The following PRKX variants were observed in gnomAD, a reference collection of about 807,000 sequenced individuals.
The protein encoded by PRKX is protein kinase cAMP-dependent X-linked catalytic subunit.
PRKX carries 12 observed loss-of-function variants against 22.0 expected under a neutral mutation model. The observed-to-expected ratio is 0.54, with a 90% CI of 0.35 to 0.88. PRKX has a LOEUF of 0.88. PRKX is among the 40% of genes least tolerant of loss of function. The pLI is 0.01. For missense variants in PRKX, 217 were observed against 308.0 expected (o/e 0.70, Z 2.21); for synonymous variants, 134 against 137.7 (o/e 0.97, Z 0.19).
chrX:3,666,085 A>G (rs1331236161), intron 2 of PRKX, among the ~76,000 whole-genome samples: 3 of 107,470 alleles, frequency 2.8e-5, no homozygotes, highest in African/African-American at 1.0e-4. Flanking sequence ...ATCTCAGCTC[A>G]CTGCAATCTC....
chrX:3,660,033 C>T (rs1205084266), intron 2 of PRKX, among the ~76,000 whole-genome samples: 2 of 111,518 alleles, frequency 1.8e-5, no homozygotes, highest in African/African-American at 6.5e-5. Context: ...TGCTTTGCAC[C>T]GTTATTGGTT....
chrX:3,692,255 C>T (rs1380585181), intron 1 of PRKX, among the ~76,000 whole-genome samples: 1 of 110,046 alleles, frequency 9.1e-6, no homozygotes, highest in Admixed American at 9.8e-5. Flanking sequence ...CACTGCAAAC[C>T]TGCAGAGTGG....
intron 1 of PRKX, among the ~76,000 whole-genome samples, chrX:3,700,749 T>TTTGTTG (rs3073363): frequency 0.068 from 7,168 of 105,380 alleles, 665 homozygotes; most frequent in African/African-American, 0.24. Context: ...CAGCTAATTG[T>TTTGTTG]TTGTTGTTGT....
chrX:3,650,685 C>T lies in PRKX; in HGVS notation c.599+4464G>A, dbSNP rs192687486. ...CTTGAGGCCAGCTGTTCAAGACCAG[C>T]CTAGGCAACATGGTGAAACCAGGTC... On this transcript the variant is annotated intron_variant, in intron 3 of 8. Coordinates refer to ENST00000262848, the MANE Select transcript of PRKX (RefSeq NM_005044.5). Among the ~76,000 whole-genome samples the T allele has an allele frequency of 5.9e-3, 643 of 108,314 alleles. 4 individuals carry two copies. The highest frequency in any genetic ancestry group is 0.021 in the African/African-American group (618 of 29,709). The allele number at this position is 108,314 out of a possible 115,157, so 94.1% of individuals were successfully genotyped here.
intron 1 of PRKX, among the ~76,000 whole-genome samples, chrX:3,691,792 G>A (rs1928330685): frequency 9.0e-6 from 1 of 111,516 alleles, no homozygotes; most frequent in Non-Finnish European, 1.9e-5. Flanking sequence ...CTCTGCCACA[G>A]ACAGATAGAA....
chrX:3,674,716 G>A lies in PRKX; in HGVS notation c.217C>T (p.His73Tyr). The A allele has an allele frequency of 8.3e-7, 1 of 1,211,194 alleles. No homozygotes were observed. Among genetic ancestry groups the A allele is most frequent in the Non-Finnish European group, 1.1e-6 (1 of 894,794 alleles). Residue 73 changes from histidine to tyrosine, a missense_variant, in exon 2 of 9, where the codon CAT (histidine) becomes TAT (tyrosine). Transcript: ENST00000262848. ...VHLVKEKTAK[H>Y]FFALKVMSIP... is the part of the protein sequence containing the mutation. ...CTCATCACCTTGAGGGCGAAGAAAT[G>A]CTTGGCTGTCTTCTCCTTCACCAGG...
Position 3,641,893 on chromosome X carries a change from G to A in PRKX, c.678C>T (p.Asp226=). The change falls in exon 4 of 9, where the codon GAC becomes GAT. Residue 226 remains aspartate, a synonymous_variant. Coordinates refer to ENST00000262848, the MANE Select transcript of PRKX (RefSeq NM_005044.5). The stretch of plus-strand genomic sequence containing the variant: ...ATATCAGGATGCCGAGGGCCCACCA[G>A]TCCACGGCCCTTCCGTGGCCCTTGC... The part of the protein sequence containing the change: ...IQSKGHGRAV[D]WWALGILIFE... The A allele has an allele frequency of 3.6e-6, 2 of 551,561 alleles. No individual in the cohort carries two copies. The highest frequency in any genetic ancestry group is 5.7e-6 in the Non-Finnish European group (2 of 348,160). 45.5% of individuals were successfully genotyped at this position (551,561 alleles called of 1,213,427 possible).
At chrX:3,663,425 TACAC>T (rs1181567509) in intron 2 of PRKX, among the ~76,000 whole-genome samples, 1 of 60,918 alleles carries the variant, frequency 1.6e-5, no homozygotes, top group Non-Finnish European at 3.2e-5. Context: ...ATCTTGTCCC[TACAC>T]ACACACACAC....
chrX:3,702,509 G>A (rs1928598073), intron 1 of PRKX, among the ~76,000 whole-genome samples: 1 of 106,577 alleles, frequency 9.4e-6, no homozygotes, highest in South Asian at 4.3e-4. Context: ...CACACACAAC[G>A]CATGCTAAGT....
chrX:3,709,037 G>A (rs1375193007), intron 1 of PRKX, among the ~76,000 whole-genome samples: 1 of 108,502 alleles, frequency 9.2e-6, no homozygotes, highest in Non-Finnish European at 1.9e-5. Context: ...TGAACAAGCC[G>A]GGCACGATGG....
intron 1 of PRKX, among the ~76,000 whole-genome samples, chrX:3,709,097 T>C (rs1000536676): frequency 1.9e-5 from 2 of 106,739 alleles, no homozygotes; most frequent in Admixed American, 1.0e-4. Flanking sequence ...GGCAGGAGGA[T>C]TGCTTGAGCC....
chrX:3,650,334 A>C (rs1927294422), intron 3 of PRKX, among the ~76,000 whole-genome samples: 1 of 103,622 alleles, frequency 9.7e-6, no homozygotes, highest in African/African-American at 3.6e-5. Flanking sequence ...ATCCTGGCTA[A>C]CACAGTGAAA....
chrX:3,631,659 T>C, intron 4 of PRKX, among the ~76,000 whole-genome samples: 1 of 111,743 alleles, frequency 8.9e-6, no homozygotes, highest in Non-Finnish European at 1.9e-5. Context: ...TGGATTAGGA[T>C]GGCCCTAAAT....
In PRKX at chrX:3,609,408, G is replaced by A. The variant is rs1053721770; in HGVS notation, c.*24-463C>T. 4.4e-4 allele frequency among the ~76,000 whole-genome samples: 49 copies of A among 111,233 alleles called. 1 individual carries two copies. Among genetic ancestry groups the A allele is most frequent in the African/African-American group, 1.5e-3 (45 of 30,638 alleles). On this transcript the variant is annotated intron_variant, in intron 8 of 8. Coordinates refer to ENST00000262848, the MANE Select transcript of PRKX (RefSeq NM_005044.5). ...ACTCCTGACCTCAGATGATCCATGC[G>A]CCTCGGCCTCCCAAGGTGCTGGGAT...
chrX:3,621,935 T>C (rs1340792703), intron 5 of PRKX, among the ~76,000 whole-genome samples: 1 of 110,141 alleles, frequency 9.1e-6, no homozygotes, highest in African/African-American at 3.3e-5. Flanking sequence ...CGTGAGGAGT[T>C]TGAGACCAGC....
intron 6 of PRKX, among the ~76,000 whole-genome samples, chrX:3,619,227 CA>C (rs767510553): frequency 4.5e-5 from 5 of 112,209 alleles, no homozygotes; most frequent in Non-Finnish European, 9.4e-5. Context: ...GAGACACAAA[CA>C]TAGAGAAGGC....
intron 4 of PRKX, among the ~76,000 whole-genome samples, chrX:3,629,184 A>G (rs73625732): frequency 0.044 from 4,928 of 111,586 alleles, 246 homozygotes; most frequent in African/African-American, 0.15. Flanking sequence ...CCCGGTACTG[A>G]GCCTGCTTGC....
intron 1 of PRKX, among the ~76,000 whole-genome samples, chrX:3,708,790 G>A (rs1169251023): frequency 3.7e-5 from 4 of 108,700 alleles, no homozygotes; most frequent in Non-Finnish European, 7.6e-5. Context: ...CTTGAACCCG[G>A]GAAGCAGAGG....
In PRKX at chrX:3,604,448, T is replaced by G. The variant is rs187101090; in HGVS notation, c.*4521A>C. 1 of 112,738 alleles carries G rather than the reference T, an allele frequency of 8.9e-6. No homozygotes were observed. The highest frequency in any genetic ancestry group is 3.2e-5 in the African/African-American group (1 of 31,008). The allele number at this position is 112,738 out of a possible 1,213,427, so 9.3% of individuals were successfully genotyped here. A position where few individuals can be genotyped will look rare whatever the true frequency, so the allele number is the denominator to read the frequency against. ...ACATAAATTAGACAGCAGTAAAATTTTCCTAGGGCATATGTACAAATCACA... is the reference window on the plus strand; with the variant it reads ...ACATAAATTAGACAGCAGTAAAATTGTCCTAGGGCATATGTACAAATCACA... On this transcript the variant is annotated 3_prime_UTR_variant, in exon 9 of 9. Transcript: ENST00000262848.
Sources: gnomAD v4.1 joint callset for allele counts (sites outside exome capture counted in the v4.1 genomes callset) on GRCh38, gnomAD v4.1.1 for gene constraint, MANE v1.5 for transcripts, NCBI Gene and HGNC (gene_info 2026-07-23, HGNC 2026-07-21) for gene names.